The following DDX6 variants were observed in gnomAD, a reference collection of about 807,000 sequenced individuals.
The protein encoded by DDX6 is probable ATP-dependent RNA helicase DDX6.
A neutral mutation model predicts 60.6 loss-of-function variants in DDX6; 7 were observed. That is an observed-to-expected ratio of 0.12 (90% CI 0.07 to 0.22). DDX6 has a LOEUF of 0.22. Ranked by LOEUF, DDX6 falls within the 10% of genes least tolerant of loss-of-function variation. The pLI is 1.00. For missense variants in DDX6, 270 were observed against 589.9 expected (o/e 0.46, Z 5.62); for synonymous variants, 207 against 201.0 (o/e 1.03, Z -0.25).
At chr11:118,791,281 CGCGGCTATATTCGCCGCGG>C, upstream of DDX6, 1 of 152,172 alleles carries the variant, frequency 6.6e-6, no homozygotes, top group East Asian at 1.9e-4. Context: ...CCTCGGCCGC[CGCGGCTATATTCGCCGCGG>C]CGTCACTGCC....
At chr11:118,772,624 GT>G (rs1381860426) in intron 4 of DDX6, among the ~76,000 whole-genome samples, 2 of 152,148 alleles carry the variant, frequency 1.3e-5, no homozygotes, top group African/African-American at 4.8e-5. Context: ...TACTTTTGAT[GT>G]GTGATGTCAT....
intron 2 of DDX6, among the ~76,000 whole-genome samples, chr11:118,784,693 G>A (rs778782823): frequency 1.3e-5 from 2 of 151,314 alleles, no homozygotes; most frequent in African/African-American, 2.4e-5. Context: ...TTTTGACCTC[G>A]TGATCTACCT....
chr11:118,756,075 A>G (rs1056217816), intron 11 of DDX6, among the ~76,000 whole-genome samples, 185 bp downstream of exon 11: 1 of 138,856 alleles, frequency 7.2e-6, no homozygotes, highest in Non-Finnish European at 1.5e-5. Flanking sequence ...TAAGTCTTCT[A>G]AAGTTTCAGA....
rs1555157488 is a variant in DDX6, at chr11:118,751,911, G to A, written c.*194C>T. The A allele has an allele frequency of 2.3e-6, 1 of 430,694 alleles. No individual in the cohort carries two copies. The highest frequency in any genetic ancestry group is 4.6e-6 in the Non-Finnish European group (1 of 216,940). The allele number at this position is 430,694 out of a possible 1,614,324, so 26.7% of individuals were successfully genotyped here. On this transcript the variant is annotated 3_prime_UTR_variant, in exon 14 of 14. Transcript: ENST00000534980. ...CAGTCAGCACACAGTGCAAACAAGT[G>A]GAACAAAAAAGGTATATTCCTTCTT...
At chr11:118,768,752 G>A (rs1173433935) in intron 4 of DDX6, among the ~76,000 whole-genome samples, 1 of 152,102 alleles carries the variant, frequency 6.6e-6, no homozygotes, top group Admixed American at 6.6e-5. Context: ...GCTCATGCCT[G>A]TAGTCCCAGC....
upstream of DDX6, chr11:118,791,375 C>A (rs937885625): frequency 6.6e-6 from 1 of 152,084 alleles, no homozygotes; most frequent in African/African-American, 2.4e-5. Flanking sequence ...ATGGAGGGCC[C>A]TTCTCTCACA....
intron 2 of DDX6, among the ~76,000 whole-genome samples, chr11:118,781,844 C>T (rs1279041418): frequency 6.6e-6 from 1 of 151,984 alleles, no homozygotes; most frequent in Non-Finnish European, 1.5e-5. Flanking sequence ...AGGGGAATCA[C>T]TTGAACCTGG....
intron 7 of DDX6, among the ~76,000 whole-genome samples, chr11:118,760,335 ACT>A (rs1172353139): frequency 2.6e-5 from 4 of 152,166 alleles, no homozygotes; most frequent in East Asian, 1.9e-4. Context: ...ACAGCATTTC[ACT>A]CTGTCACCCA....
intron 4 of DDX6, among the ~76,000 whole-genome samples, chr11:118,777,279 G>C (rs1260639865): frequency 1.3e-5 from 2 of 151,922 alleles, no homozygotes; most frequent in Admixed American, 1.3e-4. Flanking sequence ...GATGTCACAG[G>C]GTTTGTCCTT....
chr11:118,754,508 T>A, intron 13 of DDX6, 197 bp downstream of exon 13: 1 of 478,332 alleles, frequency 2.1e-6, no homozygotes, highest in Admixed American at 3.8e-5. Flanking sequence ...GGAAGCTGCA[T>A]TCAAGAACAA....
chr11:118,758,961 C>T, intron 8 of DDX6, 59 bp from the exon 9 acceptor site: 1 of 1,602,046 alleles, frequency 6.2e-7, no homozygotes, highest in Non-Finnish European at 8.5e-7. Flanking sequence ...GAGTTCATCT[C>T]AAATTCAAAA....
At chr11:118,770,957 C>G (rs1565571116) in intron 4 of DDX6, among the ~76,000 whole-genome samples, 2 of 151,968 alleles carry the variant, frequency 1.3e-5, no homozygotes, top group African/African-American at 4.8e-5. Context: ...ATTAAAGACT[C>G]TGCTTATTAA....
intron 4 of DDX6, among the ~76,000 whole-genome samples, chr11:118,776,631 G>A (rs570642311): frequency 2.6e-4 from 39 of 151,996 alleles, no homozygotes; most frequent in Admixed American, 2.2e-3. Flanking sequence ...TCAGGAGATC[G>A]AGACCATCCT....
At chr11:118,786,673 C>T (rs1862085243) in intron 1 of DDX6, 155 bp from the exon 2 acceptor site, 1 of 171,980 alleles carries the variant, frequency 5.8e-6, no homozygotes, top group East Asian at 1.1e-4. Context: ...CTAGGATAGA[C>T]ACAACTTTGA....
intron 13 of DDX6, among the ~76,000 whole-genome samples, chr11:118,753,707 G>GCAA (rs1555158028): frequency 2.0e-5 from 3 of 152,124 alleles, no homozygotes; most frequent in Non-Finnish European, 4.4e-5. Context: ...AGGTATTATG[G>GCAA]ATAGTTTTAT....
chr11:118,766,917 G>A (rs1232002117), intron 5 of DDX6, among the ~76,000 whole-genome samples: 1 of 147,574 alleles, frequency 6.8e-6, no homozygotes, highest in Non-Finnish European at 1.5e-5. Context: ...GACAGATCTC[G>A]CTCTGTTACC....
chr11:118,783,614 A>C (rs71468725), intron 2 of DDX6, among the ~76,000 whole-genome samples: 93,038 of 151,082 alleles, frequency 0.62, 29,122 homozygotes, highest in Admixed American at 0.7. Context: ...CCTAGCCTGC[A>C]AACATGATGA....
chr11:118,763,748 C>T (rs573366684), intron 6 of DDX6, among the ~76,000 whole-genome samples: 18 of 150,918 alleles, frequency 1.2e-4, no homozygotes, highest in African/African-American at 4.1e-4. Flanking sequence ...GTAGGAGAAT[C>T]GCTTGAACCC....
chr11:118,762,411 T>G (rs1861206689), intron 7 of DDX6, among the ~76,000 whole-genome samples: 1 of 152,210 alleles, frequency 6.6e-6, no homozygotes, highest in Non-Finnish European at 1.5e-5. Flanking sequence ...AAATTCATCC[T>G]AAGTTGAAAA....
Sources: gnomAD v4.1 joint callset for allele counts (sites outside exome capture counted in the v4.1 genomes callset) on GRCh38, gnomAD v4.1.1 for gene constraint, MANE v1.5 for transcripts, NCBI Gene and HGNC (gene_info 2026-07-23, HGNC 2026-07-21) for gene names.